The following ATP10D variants were observed in gnomAD, a reference collection of about 807,000 sequenced individuals.
The protein encoded by ATP10D is ATPase phospholipid transporting 10D (putative).
In ATP10D, 89 loss-of-function variants were observed where a neutral mutation model predicts 144.8. That is an observed-to-expected ratio of 0.61 (90% CI 0.52 to 0.73). The LOEUF (loss-of-function observed/expected upper bound fraction) is 0.73, where lower values mean the gene tolerates loss of function less well. ATP10D is among the 30% of genes least tolerant of loss of function. The pLI, the probability that ATP10D is intolerant of heterozygous loss-of-function variation, is 0.00. For synonymous variants in ATP10D, 571 were observed against 615.1 expected, an observed-to-expected ratio of 0.93 and a Z score of 1.06; for missense variants, 1,603 against 1,714.8, an observed-to-expected ratio of 0.93 and a Z score of 1.15.
chr4:47,538,753 C>A (rs1577661581), intron 9 of ATP10D, among the ~76,000 whole-genome samples: 1 of 152,148 alleles, frequency 6.6e-6, no homozygotes, highest in Non-Finnish European at 1.5e-5. Flanking sequence ...GCTGTCATCC[C>A]CAACTATTCG....
chr4:47,559,472 A>G lies in ATP10D; in HGVS notation c.2541+443A>G, dbSNP rs570217566. Among the ~76,000 whole-genome samples the G allele has an allele frequency of 8.5e-5, 13 of 152,350 alleles. No homozygotes were observed. In the South Asian group the frequency reaches 1.2e-3, roughly 15 times the overall value. Reference sequence around the variant, plus strand: ...TTCTTATGTGCCCGTAAGTATTTATATGTAAATCCAGGTAAATATCCTAGA... The same window carrying G: ...TTCTTATGTGCCCGTAAGTATTTATGTGTAAATCCAGGTAAATATCCTAGA... On this transcript the variant is annotated intron_variant, in intron 13 of 22. Transcript: ENST00000273859.
At chr4:47,519,477 A>C (rs1716838992) in intron 3 of ATP10D, among the ~76,000 whole-genome samples, 1 of 152,224 alleles carries the variant, frequency 6.6e-6, no homozygotes, top group Admixed American at 6.5e-5. Context: ...CTCTGGGGAA[A>C]GAAGAAAGTC....
At chr4:47,558,728 C>T (rs1383189171) in intron 12 of ATP10D, among the ~76,000 whole-genome samples, 195 bp from the exon 13 acceptor site, 1 of 152,218 alleles carries the variant, frequency 6.6e-6, no homozygotes, top group Non-Finnish European at 1.5e-5. Context: ...CTTGTACTTT[C>T]CTCTGCCCAA....
intron 9 of ATP10D, among the ~76,000 whole-genome samples, chr4:47,546,297 G>A (rs991301344): frequency 2.0e-5 from 3 of 150,502 alleles, no homozygotes. Context: ...GTTCAGGGAG[G>A]TGAGATTCAG....
intron 16 of ATP10D, 108 bp from the exon 17 acceptor site, chr4:47,572,046 A>G (rs1719978512): frequency 1.0e-6 from 1 of 999,546 alleles, no homozygotes; most frequent in Admixed American, 1.8e-5. Flanking sequence ...AACGGGATGA[A>G]CTTTGAAGGA....
chr4:47,518,464 A>G (rs1297333296), intron 3 of ATP10D, among the ~76,000 whole-genome samples: 1 of 152,190 alleles, frequency 6.6e-6, no homozygotes, highest in Admixed American at 6.5e-5. Context: ...TGAAAATAAG[A>G]CTATTAATCA....
intron 4 of ATP10D, among the ~76,000 whole-genome samples, chr4:47,523,664 T>C (rs6842769): frequency 0.13 from 19,671 of 152,224 alleles, 1,525 homozygotes; most frequent in South Asian, 0.24. Context: ...TTTAAATGAA[T>C]CACAACTCTG....
In ATP10D at chr4:47,543,777, T is replaced by G. The variant is rs908418478; in HGVS notation, c.1397-2847T>G. ...CAGCTGCAGAGTGGGCAGTGATAGT[T>G]TCTACCTGATGGCATTATTTTGAAG... On this transcript the variant is annotated intron_variant, in intron 9 of 22. Transcript: ENST00000273859. Among the ~76,000 whole-genome samples the G allele has an allele frequency of 7.2e-5, 11 of 152,214 alleles. No individual in the cohort carries two copies. The South Asian group carries it at 2.3e-3, about 32-fold the overall frequency.
At chr4:47,503,163 C>G (rs151243752) in intron 1 of ATP10D, among the ~76,000 whole-genome samples, 6,083 of 152,266 alleles carry the variant, frequency 0.04, 349 homozygotes, top group African/African-American at 0.12. Flanking sequence ...GACCGGACCA[C>G]TGCACTCCAG....
intron 16 of ATP10D, 119 bp from the exon 17 acceptor site, chr4:47,572,035 G>A: frequency 1.1e-6 from 1 of 897,358 alleles, no homozygotes; most frequent in Non-Finnish European, 1.8e-6. Context: ...GAAACTTGGA[G>A]AACGGGATGA....
rs1004949858 is a variant in ATP10D at position 47,582,072 on chromosome 4, G to A, written c.3753+8G>A. 5.6e-6 allele frequency: 9 copies of A among 1,604,402 alleles called. No individual in the cohort carries two copies. In the Middle Eastern group the frequency reaches 4.9e-4, roughly 88 times the overall value. ...ATTGAAAGCAAGAGTTTGGTGAGTG[G>A]TTTTCTTGCCTCTGAAGTAGCCTAA... On this transcript the variant is annotated splice_region_variant and intron_variant, in intron 21 of 22. Coordinates refer to ENST00000273859, the MANE Select transcript of ATP10D (RefSeq NM_020453.4).
chr4:47,569,071 C>T lies in ATP10D; in HGVS notation c.3088C>T (p.Arg1030Ter), dbSNP rs752102562. ...TTGGTGTCAAGCTGTGGTCTGCTGC[C>T]GAGCCACACCGCTGCAGAAAAGTGA... ...TSWCQAVVCCRATPLQKSEVV... is the reference protein window; with the variant it reads ...TSWCQAVVCC The change falls in exon 16 of 23, where the codon CGA becomes TGA. Residue 1030 changes from arginine to a stop codon, truncating the protein, a stop_gained. Coordinates refer to ENST00000273859, the MANE Select transcript of ATP10D (RefSeq NM_020453.4). LOFTEE classifies it high-confidence loss of function. 12 of 1,613,262 alleles carry T rather than the reference C, an allele frequency of 7.4e-6. No homozygotes were observed. The highest frequency in any genetic ancestry group is 1.1e-5 in the South Asian group (1 of 91,078).
intron 13 of ATP10D, chr4:47,560,293 C>A (rs1204931412): frequency 6.6e-6 from 1 of 152,204 alleles, no homozygotes; most frequent in Admixed American, 6.5e-5. Flanking sequence ...TTATTGATCA[C>A]TTCCCCAGGA....
At chr4:47,565,693 G>T (rs1437052573) in intron 15 of ATP10D, among the ~76,000 whole-genome samples, 1 of 152,006 alleles carries the variant, frequency 6.6e-6, no homozygotes, top group Non-Finnish European at 1.5e-5. Flanking sequence ...AGAGATTGTT[G>T]TGAACAGTAA....
chr4:47,561,401 G>T (rs1719288798), intron 14 of ATP10D, among the ~76,000 whole-genome samples: 1 of 152,160 alleles, frequency 6.6e-6, no homozygotes, highest in African/African-American at 2.4e-5. Context: ...AGAGTTTCTT[G>T]TCAGGCATTG....
intron 1 of ATP10D, among the ~76,000 whole-genome samples, chr4:47,499,097 G>T (rs1016340002): frequency 6.6e-6 from 1 of 152,100 alleles, no homozygotes; most frequent in African/African-American, 2.4e-5. Context: ...ACCATTTTGT[G>T]GTCTGAAGCT....
intron 1 of ATP10D, among the ~76,000 whole-genome samples, chr4:47,500,741 A>G (rs1478307749): frequency 3.3e-5 from 5 of 152,176 alleles, no homozygotes; most frequent in African/African-American, 9.7e-5. Flanking sequence ...AAAGAGGTCT[A>G]TGCTAGGGGA....
intron 18 of ATP10D, among the ~76,000 whole-genome samples, chr4:47,576,249 T>A (rs1720240646): frequency 6.6e-6 from 1 of 152,106 alleles, no homozygotes; most frequent in African/African-American, 2.4e-5. Flanking sequence ...TCCAATGTCA[T>A]GGCCTAATCA....
At chr4:47,513,563 G>A (rs917745075) in intron 2 of ATP10D, among the ~76,000 whole-genome samples, 2 of 152,200 alleles carry the variant, frequency 1.3e-5, no homozygotes, top group Non-Finnish European at 2.9e-5. Flanking sequence ...ATTCAAAGCA[G>A]AGGTGTGAGC....
Sources: gnomAD v4.1 joint callset for allele counts (sites outside exome capture counted in the v4.1 genomes callset) on GRCh38, gnomAD v4.1.1 for gene constraint, MANE v1.5 for transcripts, NCBI Gene and HGNC (gene_info 2026-07-23, HGNC 2026-07-21) for gene names.